The following ZNF469 variants were observed in gnomAD, a reference collection of about 807,000 sequenced individuals.
ZNF469 encodes zinc finger protein 469.
A neutral mutation model predicts 1.0 loss-of-function variants in ZNF469; 1 was observed. The ratio of observed to expected loss-of-function variants is 1.00; its 90% CI spans 0.35 to 4.73. The LOEUF (loss-of-function observed/expected upper bound fraction) is 4.73. Ranked by LOEUF, ZNF469 falls within the 30% of genes most tolerant of loss-of-function variation. ZNF469 has a pLI of 0.16. For missense variants in ZNF469, 6,100 were observed against 5,356.3 expected, an observed-to-expected ratio of 1.14 and a Z score of -4.33; for synonymous variants, 2,703 against 2,363.4, an observed-to-expected ratio of 1.14 and a Z score of -4.17.
the ZNF469 span, among the ~76,000 whole-genome samples, chr16:88,107,893 G>A: frequency 2.0e-5 from 3 of 152,244 alleles, no homozygotes; most frequent in African/African-American, 4.8e-5. Flanking sequence ...TAAGGCCCTT[G>A]GTTTGTGATG....
the ZNF469 span, among the ~76,000 whole-genome samples, chr16:88,367,856 A>G: frequency 5.9e-5 from 9 of 152,232 alleles, no homozygotes; most frequent in East Asian, 1.7e-3. Flanking sequence ...AAAAAACAAA[A>G]ACATCCCTCT....
At chr16:88,205,260 T>C in the ZNF469 span, among the ~76,000 whole-genome samples, 2 of 152,190 alleles carry the variant, frequency 1.3e-5, no homozygotes, top group East Asian at 3.9e-4. This position sits in a 1 kb window ranked among gnomAD's most constrained non-coding sequence, Gnocchi z 4.2. Flanking sequence ...GGCAGAACGT[T>C]GGCTTCGTAG....
chr16:88,250,611 G>C, the ZNF469 span, among the ~76,000 whole-genome samples: 1 of 152,056 alleles, frequency 6.6e-6, no homozygotes, highest in East Asian at 1.9e-4. Flanking sequence ...TTCCACATAG[G>C]CTGCACTGCT....
the ZNF469 span, among the ~76,000 whole-genome samples, chr16:88,358,424 C>T: frequency 1.3e-5 from 2 of 152,174 alleles, no homozygotes; most frequent in Non-Finnish European, 2.9e-5. Flanking sequence ...TACAGAAAAC[C>T]ACACAACTCG....
At chr16:88,268,415 A>C in the ZNF469 span, among the ~76,000 whole-genome samples, 1 of 151,948 alleles carries the variant, frequency 6.6e-6, no homozygotes, top group African/African-American at 2.4e-5. Context: ...CCCGTGTGAC[A>C]CTCCATCCCC....
the ZNF469 span, among the ~76,000 whole-genome samples, chr16:88,289,446 A>G: frequency 1.9e-5 from 1 of 53,294 alleles, no homozygotes; most frequent in African/African-American, 1.4e-4. Context: ...TGATGATATG[A>G]TGATGATGAT....
chr16:88,104,454 C>A, the ZNF469 span, among the ~76,000 whole-genome samples: 1 of 152,166 alleles, frequency 6.6e-6, no homozygotes, highest in Non-Finnish European at 1.5e-5. Flanking sequence ...GCCCCCCAGC[C>A]TCTTGCCGGC....
chr16:88,101,737 T>C, the ZNF469 span, among the ~76,000 whole-genome samples: 9 of 152,128 alleles, frequency 5.9e-5, no homozygotes, highest in East Asian at 1.9e-4. Flanking sequence ...TTGAACACGT[T>C]TCAGAGCAGA....
chr16:88,367,467 G>T, the ZNF469 span, among the ~76,000 whole-genome samples: 1 of 152,200 alleles, frequency 6.6e-6, no homozygotes, highest in Non-Finnish European at 1.5e-5. Flanking sequence ...GTCATCCTTC[G>T]CCACCTTTTC....
the ZNF469 span, among the ~76,000 whole-genome samples, chr16:88,106,313 C>T: frequency 1.3e-5 from 2 of 152,230 alleles, no homozygotes; most frequent in African/African-American, 4.8e-5. Context: ...CTATGGGGCT[C>T]AGCACAGGGA....
rs557816474 is a variant in ZNF469 at position 88,426,609 on chromosome 16, G to C, written c.-126-736G>C. ...CCGTCTGGAGGCTGGGGGCTTCCTG[G>C]AGCAGGATCTGGAGGTTACCCTGTA... On this transcript the variant is annotated intron_variant, in intron 2 of 2. Coordinates refer to ENST00000565624, the MANE Select transcript of ZNF469 (RefSeq NM_001367624.2). Among the ~76,000 whole-genome samples the C allele has an allele frequency of 2.1e-5, 3 of 146,176 alleles. No individual in the cohort carries two copies. In the East Asian group the frequency reaches 6.2e-4, roughly 30 times the overall value.
At chr16:88,124,967 G>A in the ZNF469 span, among the ~76,000 whole-genome samples, 6 of 152,174 alleles carry the variant, frequency 3.9e-5, no homozygotes, top group African/African-American at 1.4e-4. Flanking sequence ...GTCTATCTCA[G>A]GGTCATGAAT....
At chr16:88,101,981 G>C in the ZNF469 span, among the ~76,000 whole-genome samples, 1 of 152,132 alleles carries the variant, frequency 6.6e-6, no homozygotes, top group Non-Finnish European at 1.5e-5. Flanking sequence ...ACTCCAGGAG[G>C]GGACTTAAGC....
the ZNF469 span, among the ~76,000 whole-genome samples, chr16:88,295,496 G>T: frequency 1.1e-4 from 17 of 152,144 alleles, no homozygotes. Flanking sequence ...CCAGGATGTG[G>T]CAGGGCTCAG....
At chr16:88,314,596 T>A in the ZNF469 span, among the ~76,000 whole-genome samples, 1 of 151,904 alleles carries the variant, frequency 6.6e-6, no homozygotes, top group Admixed American at 6.5e-5. Context: ...CTGTGGACTG[T>A]CATCTCTGTG....
chr16:88,351,549 C>T, the ZNF469 span, among the ~76,000 whole-genome samples: 1 of 152,184 alleles, frequency 6.6e-6, no homozygotes, highest in Non-Finnish European at 1.5e-5. Flanking sequence ...CCCAGGCTCC[C>T]CAGGCGGCCT....
chr16:88,381,002 TCA>T (rs1180081484), upstream of ZNF469, among the ~76,000 whole-genome samples: 1 of 80,008 alleles, frequency 1.2e-5, no homozygotes, highest in African/African-American at 5.2e-5. Flanking sequence ...AGACATGCAC[TCA>T]CACACATGCG....
At chr16:88,274,760 T>C in the ZNF469 span, among the ~76,000 whole-genome samples, 3 of 152,248 alleles carry the variant, frequency 2.0e-5, no homozygotes, top group African/African-American at 4.8e-5. Context: ...AGGACACTTC[T>C]TTCACCGTAG....
chr16:88,315,752 C>T, the ZNF469 span, among the ~76,000 whole-genome samples: 8 of 152,352 alleles, frequency 5.3e-5, no homozygotes, highest in Admixed American at 2.0e-4. Flanking sequence ...AGCCCTCGAC[C>T]TCCTGGCCTG....
Sources: allele counts gnomAD v4.1 joint callset (sites outside exome capture counted in the v4.1 genomes callset), GRCh38; gene constraint gnomAD v4.1.1; non-coding constraint Gnocchi (gnomAD v3.1); transcripts MANE v1.5; gene names NCBI Gene and HGNC (gene_info 2026-07-23, HGNC 2026-07-21).